The following C12orf42 variants were observed in gnomAD, a reference collection of about 807,000 sequenced individuals.
C12orf42 encodes the protein chromosome 12 open reading frame 42.
C12orf42 carries 25 observed loss-of-function variants against 21.6 expected under a neutral mutation model. The ratio of observed to expected loss-of-function variants is 1.16; its 90% CI spans 0.84 to 1.62. The LOEUF is 1.62. Ranked by LOEUF, C12orf42 falls within the 40% of genes most tolerant of loss-of-function variation. The pLI is 0.00. For synonymous variants in C12orf42, 174 were observed against 175.0 expected, an observed-to-expected ratio of 0.99 and a Z score of 0.05; for missense variants, 483 against 459.3, an observed-to-expected ratio of 1.05 and a Z score of -0.47.
intron 2 of C12orf42, among the ~76,000 whole-genome samples, chr12:103,466,928 C>T (rs1953183271): frequency 6.6e-6 from 1 of 152,182 alleles, no homozygotes; most frequent in Non-Finnish European, 1.5e-5. Context: ...AGCCAAGTCA[C>T]CCAGTCTTCC....
At chr12:103,118,053 G>A in the C12orf42 span, among the ~76,000 whole-genome samples, 1 of 152,212 alleles carries the variant, frequency 6.6e-6, no homozygotes, top group African/African-American at 2.4e-5. Context: ...AAGAGGAGGG[G>A]TATGAATTTA....
the C12orf42 span, among the ~76,000 whole-genome samples, chr12:103,220,670 C>A: frequency 6.7e-6 from 1 of 149,738 alleles, no homozygotes; most frequent in Non-Finnish European, 1.5e-5. Flanking sequence ...CATCTTTTGA[C>A]GACCATTGCT....
chr12:103,152,208 C>A, the C12orf42 span, among the ~76,000 whole-genome samples: 101 of 152,156 alleles, frequency 6.6e-4, no homozygotes, highest in Non-Finnish European at 1.0e-3. Flanking sequence ...CAGGTTGACA[C>A]CTTAATTTTA....
intron 5 of C12orf42, among the ~76,000 whole-genome samples, chr12:103,303,915 C>T (rs756123960): frequency 6.6e-6 from 1 of 152,140 alleles, no homozygotes; most frequent in Non-Finnish European, 1.5e-5. Flanking sequence ...TCACTGCCAT[C>T]AATATTCAGT....
intron 4 of C12orf42, among the ~76,000 whole-genome samples, chr12:103,345,207 T>C (rs780238514): frequency 3.6e-4 from 55 of 152,206 alleles, no homozygotes; most frequent in Non-Finnish European, 6.8e-4. Context: ...GTCATCAACA[T>C]AAAGCATCCA....
chr12:103,506,522 A>C, the C12orf42 span, among the ~76,000 whole-genome samples: 1 of 151,826 alleles, frequency 6.6e-6, no homozygotes, highest in Non-Finnish European at 1.5e-5. Flanking sequence ...TGAATACACA[A>C]ATACTTACCA....
At chr12:103,412,788 A>G (rs570606691) in intron 2 of C12orf42, among the ~76,000 whole-genome samples, 4 of 152,298 alleles carry the variant, frequency 2.6e-5, no homozygotes, top group African/African-American at 9.6e-5. Flanking sequence ...TTGTTCATAT[A>G]CTTTGCCCAT....
chr12:103,369,585 G>C (rs1490421477), intron 3 of C12orf42, among the ~76,000 whole-genome samples: 1 of 151,570 alleles, frequency 6.6e-6, no homozygotes, highest in Non-Finnish European at 1.5e-5. Flanking sequence ...GATAGGGAAG[G>C]GGGTCAGAAG....
the C12orf42 span, among the ~76,000 whole-genome samples, chr12:103,212,772 T>TA: frequency 9.9e-5 from 15 of 152,148 alleles, no homozygotes; most frequent in Middle Eastern, 0.01. Flanking sequence ...CATACTTCCC[T>TA]AAAAAAACAC....
chr12:103,086,947 A>G, the C12orf42 span, among the ~76,000 whole-genome samples: 1 of 152,218 alleles, frequency 6.6e-6, no homozygotes, highest in East Asian at 1.9e-4. Context: ...TTACAGCACA[A>G]AGCAAGCAGA....
In C12orf42 at chr12:103,403,332, C is replaced by A. The variant is rs566678402; in HGVS notation, c.79-1657G>T. ...CAGAGCTTGCAGTGAGCTGAGATTG[C>A]CCCACTACACTCCAGCCTGGGCAAC... On this transcript the variant is annotated intron_variant, in intron 2 of 5. Coordinates refer to ENST00000548883, the MANE Select transcript of C12orf42 (RefSeq NM_198521.5). 2.6e-5 allele frequency among the ~76,000 whole-genome samples: 4 copies of A among 151,306 alleles called. No individual in the cohort carries two copies. The South Asian group carries it at 8.4e-4, about 32-fold the overall frequency.
intron 2 of C12orf42, among the ~76,000 whole-genome samples, chr12:103,418,364 T>G (rs1480291041): frequency 2.0e-5 from 3 of 152,166 alleles, no homozygotes; most frequent in African/African-American, 7.2e-5. Context: ...GCTAAGAAGA[T>G]AATCTGATCT....
At chr12:103,480,439 T>C (rs973429687) in intron 1 of C12orf42, among the ~76,000 whole-genome samples, 1 of 151,664 alleles carries the variant, frequency 6.6e-6, no homozygotes, top group Non-Finnish European at 1.5e-5. Context: ...AATTCATTCA[T>C]TTTTCTCTGT....
At chr12:103,124,695 G>A in the C12orf42 span, among the ~76,000 whole-genome samples, 1 of 152,070 alleles carries the variant, frequency 6.6e-6, no homozygotes, top group African/African-American at 2.4e-5. Flanking sequence ...TATAGTCTCT[G>A]GACATTGGCA....
At chr12:103,311,920 A>C (rs2039007387) in intron 4 of C12orf42, among the ~76,000 whole-genome samples, 1 of 152,166 alleles carries the variant, frequency 6.6e-6, no homozygotes, top group South Asian at 2.1e-4. Flanking sequence ...CAGAGATTTC[A>C]GGTGCTATTA....
At chr12:103,481,223 C>T (rs1421680388) in intron 1 of C12orf42, among the ~76,000 whole-genome samples, 1 of 151,634 alleles carries the variant, frequency 6.6e-6, no homozygotes, top group South Asian at 2.1e-4. Context: ...AAAACCTATG[C>T]CATAGTGTGA....
intron 2 of C12orf42, among the ~76,000 whole-genome samples, chr12:103,426,218 A>C (rs987574667): frequency 2.6e-5 from 4 of 152,242 alleles, no homozygotes; most frequent in Admixed American, 2.6e-4. Context: ...CCTTGAAAAA[A>C]GGTTAAAGGA....
At chr12:103,287,721 C>A (rs1283874524) in intron 4 of C12orf42, among the ~76,000 whole-genome samples, 379 of 144,804 alleles carry the variant, frequency 2.6e-3, no homozygotes, top group Non-Finnish European at 3.7e-3. Flanking sequence ...AAAAAAAAAA[C>A]AAAAAAAAGT....
the C12orf42 span, among the ~76,000 whole-genome samples, chr12:103,188,806 T>A: frequency 6.6e-6 from 1 of 152,252 alleles, no homozygotes; most frequent in African/African-American, 2.4e-5. Flanking sequence ...AGCACCACGA[T>A]TCCTGAAAAA....
Sources: gnomAD v4.1 joint callset for allele counts (sites outside exome capture counted in the v4.1 genomes callset) on GRCh38, gnomAD v4.1.1 for gene constraint, MANE v1.5 for transcripts, NCBI Gene and HGNC (gene_info 2026-07-23, HGNC 2026-07-21) for gene names.